ANKRD31: variants seen among roughly 807,000 people sequenced by gnomAD.
ANKRD31 encodes the protein ankyrin repeat domain 31, also known as ankyrin repeat domain-containing protein 31.
A neutral mutation model predicts 186.0 loss-of-function variants in ANKRD31; 147 were observed. The observed-to-expected ratio is 0.79, with a 90% CI of 0.69 to 0.91. The LOEUF (loss-of-function observed/expected upper bound fraction) is 0.91. Ranked by LOEUF, ANKRD31 falls within the 40% of genes least tolerant of loss-of-function variation. The pLI is 0.00. For missense variants in ANKRD31, 1,986 were observed against 2,148.8 expected, an observed-to-expected ratio of 0.92 and a Z score of 1.50; for synonymous variants, 673 against 736.4, an observed-to-expected ratio of 0.91 and a Z score of 1.39.
intron 19 of ANKRD31, among the ~76,000 whole-genome samples, 165 bp downstream of exon 19, chr5:75,116,401 A>C (rs1355648507): frequency 6.6e-6 from 1 of 151,914 alleles, no homozygotes; most frequent in Non-Finnish European, 1.5e-5. Flanking sequence ...CTAAAACTTA[A>C]AGTATAATAA....
chr5:75,175,223 C>G (rs4704183), intron 10 of ANKRD31, among the ~76,000 whole-genome samples: 69,302 of 151,920 alleles, frequency 0.46, 17,465 homozygotes, highest in African/African-American at 0.68. Context: ...ACACTGAGGC[C>G]TGTCGGGTCG....
intron 4 of ANKRD31, among the ~76,000 whole-genome samples, chr5:75,209,000 T>C (rs534699368): frequency 2.0e-5 from 3 of 152,346 alleles, no homozygotes; most frequent in South Asian, 2.1e-4. Flanking sequence ...CAAACCTTCA[T>C]TGAGGGTAGA....
intron 1 of ANKRD31, among the ~76,000 whole-genome samples, chr5:75,236,381 G>A (rs1371075874): frequency 6.6e-6 from 1 of 152,172 alleles, no homozygotes; most frequent in Admixed American, 6.5e-5. Context: ...TTTATCCCTA[G>A]CTGGTTGGGG....
At position 75,173,688 on chromosome 5, in the gene ANKRD31, C is replaced by T. The variant is rs545438277; in HGVS notation, c.1565-4567G>A. On this transcript the variant is annotated intron_variant, in intron 10 of 25. Coordinates refer to ENST00000506364, the MANE Select transcript of ANKRD31 (RefSeq NM_001372053.1). ...TCCAACTTACAAGGGATGTGAAGGA[C>T]CTCTTCAAGGAGAACTATAAACCAC... 4.6e-5 allele frequency among the ~76,000 whole-genome samples: 7 copies of T among 152,204 alleles called. No homozygotes were observed. The South Asian group carries it at 1.2e-3, about 27-fold the overall frequency.
rs1255588594 is a variant in ANKRD31, at chr5:75,144,052, C to G, written c.3544G>C (p.Val1182Leu). 4 of 397,356 alleles carry G rather than the reference C, an allele frequency of 1.0e-5. No homozygotes were observed. In the Admixed American group the frequency reaches 1.8e-4, roughly 18 times the overall value. The allele number at this position is 397,356 out of a possible 1,614,324, so 24.6% of individuals were successfully genotyped here. Residue 1182 changes from valine to leucine, a missense_variant, in exon 15 of 26, where the codon GTT (valine) becomes CTT (leucine). Val to Leu is a conservative substitution (Grantham distance 32, BLOSUM62 1). Transcript: ENST00000506364. The stretch of plus-strand genomic sequence containing the variant: ...CTTTGTCTTTTTCTGAAATTCTGAA[C>G]TGTTTTGTGTTCTTGGCTATTAGTA... ...MPTNSQEHKT[V>L]QNFRKRQSFL...
intron 14 of ANKRD31, among the ~76,000 whole-genome samples, chr5:75,145,573 G>T (rs1009812384): frequency 6.6e-6 from 1 of 151,912 alleles, no homozygotes; most frequent in Non-Finnish European, 1.5e-5. Flanking sequence ...ACACACCAGG[G>T]CCTGTCATGG....
chr5:75,200,633 C>G (rs1167168719), intron 5 of ANKRD31, among the ~76,000 whole-genome samples: 1 of 151,522 alleles, frequency 6.6e-6, no homozygotes, highest in African/African-American at 2.4e-5. Context: ...AGTATTCTGG[C>G]CAGGCACAGT....
At chr5:75,178,997 AAAG>A (rs1554086783) in intron 10 of ANKRD31, among the ~76,000 whole-genome samples, 1 of 152,220 alleles carries the variant, frequency 6.6e-6, no homozygotes, top group Non-Finnish European at 1.5e-5. Context: ...CAAGACTAAT[AAAG>A]AAGAAAAGAG....
chr5:75,074,607 A>C (rs1260904801), intron 25 of ANKRD31, among the ~76,000 whole-genome samples: 1 of 152,100 alleles, frequency 6.6e-6, no homozygotes, highest in Admixed American at 6.6e-5. Context: ...GCTAATCCCC[A>C]TTTAAGTAAA....
At chr5:75,136,314 C>A (rs1181773018) in intron 17 of ANKRD31, among the ~76,000 whole-genome samples, 1 of 151,972 alleles carries the variant, frequency 6.6e-6, no homozygotes, top group Non-Finnish European at 1.5e-5. Flanking sequence ...AACAAATTTA[C>A]AAGAAAAAAT....
chr5:75,173,140 A>G (rs1403075878), intron 10 of ANKRD31, among the ~76,000 whole-genome samples: 2 of 152,180 alleles, frequency 1.3e-5, no homozygotes, highest in Non-Finnish European at 2.9e-5. Context: ...CACAAACCCC[A>G]TGATTATTTC....
chr5:75,128,573 T>G (rs1172709707), intron 17 of ANKRD31, among the ~76,000 whole-genome samples: 1 of 151,528 alleles, frequency 6.6e-6, no homozygotes, highest in African/African-American at 2.4e-5. Context: ...GGTACGATCT[T>G]GGCTCACTGC....
At chr5:75,217,563 A>T (rs900690807) in intron 3 of ANKRD31, among the ~76,000 whole-genome samples, 3 of 151,984 alleles carry the variant, frequency 2.0e-5, no homozygotes, top group Non-Finnish European at 2.9e-5. Flanking sequence ...TTTTGTCTGA[A>T]ATTAGGATTG....
chr5:75,080,105 AAAAG>A (rs1222670342), intron 25 of ANKRD31, among the ~76,000 whole-genome samples: 4 of 152,306 alleles, frequency 2.6e-5, no homozygotes, highest in South Asian at 2.1e-4. Flanking sequence ...CTAAAAAAAA[AAAAG>A]AAACAGTAAG....
chr5:75,075,471 G>A (rs1314283605), intron 25 of ANKRD31, among the ~76,000 whole-genome samples: 1 of 152,166 alleles, frequency 6.6e-6, no homozygotes, highest in Non-Finnish European at 1.5e-5. Flanking sequence ...AATAACCTAA[G>A]AAGTTAGGAA....
chr5:75,206,821 T>C (rs995842023), intron 4 of ANKRD31, among the ~76,000 whole-genome samples: 1 of 152,134 alleles, frequency 6.6e-6, no homozygotes, highest in Non-Finnish European at 1.5e-5. Context: ...CTGAAATACG[T>C]AGTTTTTCTA....
chr5:75,146,619 T>C lies in ANKRD31; in HGVS notation c.2792A>G (p.Lys931Arg), dbSNP rs1254378679. The C allele has an allele frequency of 2.0e-6, 3 of 1,535,476 alleles. No individual in the cohort carries two copies. The highest frequency in any genetic ancestry group is 2.7e-5 in the African/African-American group (2 of 72,860). The stretch of plus-strand genomic sequence containing the variant: ...TTCTTTTTTATTTGTTAAATTCTCC[T>C]TAAAATTATAGTGTTTTTTGCCACC... ...STGGKKHYNF[K>R]ENLTNKKEMG... The change falls in exon 14 of 26, where the codon AAG becomes AGG. Residue 931 changes from lysine (K) to arginine (R), a missense_variant. Physicochemically the swap from Lys to Arg is conservative, Grantham distance 26. Coordinates refer to ENST00000506364, the MANE Select transcript of ANKRD31 (RefSeq NM_001372053.1).
chr5:75,168,908 T>C, intron 11 of ANKRD31, 71 bp downstream of exon 11: 2 of 1,332,484 alleles, frequency 1.5e-6, no homozygotes, highest in Non-Finnish European at 2.0e-6. Flanking sequence ...GTTTTTCTAT[T>C]GTGTGGTCCC....
Position 75,146,816 on chromosome 5 carries a change from A to G in ANKRD31, c.2595T>C (p.His865=). ...KQPHTLQEQH[H]VLYKSHENSN... ...TGTTTTCATGAGATTTATAAAGTAC[A>G]TGGTGTTGTTCCTGGAGAGTGTGAG... is the stretch of plus-strand genomic sequence containing the variant. Residue 865 remains histidine (H), a synonymous_variant, in exon 14 of 26, where the codon CAT becomes CAC. Transcript: ENST00000506364. 9.1e-6 allele frequency: 14 copies of G among 1,536,242 alleles called. No individual in the cohort carries two copies. Among genetic ancestry groups the G allele is most frequent in the Non-Finnish European group, 1.2e-5 (14 of 1,146,262 alleles).
Sources: gnomAD v4.1 joint callset for allele counts (sites outside exome capture counted in the v4.1 genomes callset) on GRCh38, gnomAD v4.1.1 for gene constraint, MANE v1.5 for transcripts, NCBI Gene and HGNC (gene_info 2026-07-23, HGNC 2026-07-21) for gene names.